Variants in GFRAL observed in about 807,000 individuals in gnomAD.
The protein encoded by GFRAL is GDNF family receptor alpha like.
Under a neutral mutation model 45.4 loss-of-function variants are expected in GFRAL, and 36 were observed. That is an observed-to-expected ratio of 0.79 (90% CI 0.61 to 1.05). The LOEUF is 1.05. GFRAL is among the 50% of genes least tolerant of loss of function. GFRAL has a pLI of 0.00. For synonymous variants in GFRAL, 166 were observed against 154.1 expected (o/e 1.08, Z -0.57); for missense variants, 507 against 467.5 (o/e 1.08, Z -0.78).
At chr6:55,380,039 G>T (rs1203692137) in intron 6 of GFRAL, among the ~76,000 whole-genome samples, 1 of 151,848 alleles carries the variant, frequency 6.6e-6, no homozygotes, top group Non-Finnish European at 1.5e-5. Flanking sequence ...CATTTTCTTA[G>T]GTTGATTCCA....
intron 3 of GFRAL, among the ~76,000 whole-genome samples, chr6:55,343,379 C>A (rs899354440): frequency 2.6e-5 from 4 of 152,034 alleles, no homozygotes; most frequent in Non-Finnish European, 4.4e-5. Flanking sequence ...AAACTCACTC[C>A]AAACCGCTCA....
chr6:55,349,724 G>C lies in GFRAL; in HGVS notation c.317-368G>C, dbSNP rs374934441. 3.3e-5 allele frequency among the ~76,000 whole-genome samples: 5 copies of C among 151,536 alleles called. No homozygotes were observed. The East Asian group carries it at 5.9e-4, about 18-fold the overall frequency. ...CCCTTCTGAGAAGGGTTTTTATGCT[G>C]GGCAGGGTGGGAGGTAGTGTTCAGA... On this transcript the variant is annotated intron_variant, in intron 3 of 8. Transcript: ENST00000340465.
At chr6:55,332,569 G>A (rs547754207) in intron 2 of GFRAL, among the ~76,000 whole-genome samples, 7 of 151,786 alleles carry the variant, frequency 4.6e-5, no homozygotes, top group Non-Finnish European at 8.8e-5. Flanking sequence ...GACTACAGGC[G>A]CATGCCACCA....
intron 6 of GFRAL, among the ~76,000 whole-genome samples, chr6:55,359,460 C>T (rs540668971): frequency 2.6e-5 from 4 of 152,040 alleles, no homozygotes; most frequent in African/African-American, 9.6e-5. Context: ...GCATAACAAA[C>T]CATAAGTATC....
intron 8 of GFRAL, among the ~76,000 whole-genome samples, chr6:55,401,511 C>A (rs1314845434): frequency 6.6e-6 from 1 of 152,098 alleles, no homozygotes; most frequent in Non-Finnish European, 1.5e-5. Context: ...ATTCAAATAG[C>A]CCAGAGCCTT....
At chr6:55,395,860 T>C (rs1195297256) in intron 6 of GFRAL, among the ~76,000 whole-genome samples, 2 of 152,178 alleles carry the variant, frequency 1.3e-5, no homozygotes, top group East Asian at 1.9e-4. Flanking sequence ...CCTAAATTTG[T>C]TCCTAATGCA....
In GFRAL at chr6:55,399,264, C is replaced by T. The variant is rs757085738; in HGVS notation, c.1037C>T (p.Ser346Phe). 1.5e-5 allele frequency: 24 copies of T among 1,593,098 alleles called. No individual in the cohort carries two copies. The Middle Eastern group carries it at 5.2e-4, about 34-fold the overall frequency. ...AAAATCACTTTAACTGGATTTCATT[C>T]CCCCTTCAATGGTCAGTTAAAAATC... ...ANKITLTGFH[S>F]PFNGEVIYAA... Residue 346 changes from serine to phenylalanine, a missense_variant, in exon 7 of 9, where the codon TCC becomes TTC. Coordinates refer to ENST00000340465, the MANE Select transcript of GFRAL (RefSeq NM_207410.2).
chr6:55,398,682 G>C (rs1172762981), intron 6 of GFRAL, among the ~76,000 whole-genome samples: 2 of 152,110 alleles, frequency 1.3e-5, no homozygotes, highest in Admixed American at 1.3e-4. Flanking sequence ...TAGCACCTCA[G>C]AATGGCCAGG....
chr6:55,393,775 C>T (rs1768785609), intron 6 of GFRAL, among the ~76,000 whole-genome samples: 1 of 152,004 alleles, frequency 6.6e-6, no homozygotes, highest in South Asian at 2.1e-4. Context: ...ACTTCCTAGA[C>T]ATGATAGAGG....
intron 6 of GFRAL, among the ~76,000 whole-genome samples, chr6:55,384,984 C>T (rs1193095270): frequency 1.3e-5 from 2 of 151,828 alleles, no homozygotes; most frequent in African/African-American, 4.8e-5. Flanking sequence ...AGAGGTGGAG[C>T]CTATAGATGA....
rs1315317443 is a variant in GFRAL at position 55,327,515 on chromosome 6, C to T, written c.-40C>T. On this transcript the variant is annotated 5_prime_UTR_variant, in exon 1 of 9. Transcript: ENST00000340465. ...AAGAAAGTTGTCAGAAGAAACGCAT[C>T]TGCCTTTTTTTCCAGGTGAACTGCC... 1.2e-6 allele frequency: 2 copies of T among 1,611,090 alleles called. No individual in the cohort carries two copies. The highest frequency in any genetic ancestry group is 1.7e-6 in the Non-Finnish European group (2 of 1,178,046).
At chr6:55,348,144 T>A (rs1020493160) in intron 3 of GFRAL, among the ~76,000 whole-genome samples, 1 of 152,046 alleles carries the variant, frequency 6.6e-6, no homozygotes, top group Admixed American at 6.6e-5. Context: ...TAGGTCTTAT[T>A]GGTGAATACT....
intron 6 of GFRAL, among the ~76,000 whole-genome samples, chr6:55,377,204 T>C (rs534421175): frequency 6.6e-6 from 1 of 152,150 alleles, no homozygotes; most frequent in East Asian, 1.9e-4. Flanking sequence ...CAGCCCCCAA[T>C]AGGCAGTTTC....
At position 55,342,596 on chromosome 6, in the gene GFRAL, T is replaced by G. The variant is rs1359815973; in HGVS notation, c.317-7496T>G. 4.0e-3 allele frequency among the ~76,000 whole-genome samples: 602 copies of G among 150,010 alleles called. 5 individuals are homozygous for G. The highest frequency in any genetic ancestry group is 6.8e-3 in the Middle Eastern group (2 of 292). ...CATGCCAAATTGTAAAGACCATCGA[T>G]GTTAGGAAGAAACTGCATCAACCAA... On this transcript the variant is annotated intron_variant, in intron 3 of 8. Transcript: ENST00000340465.
intron 6 of GFRAL, among the ~76,000 whole-genome samples, chr6:55,363,587 C>G (rs868284551): frequency 2.6e-4 from 20 of 78,084 alleles, no homozygotes; most frequent in Non-Finnish European, 2.8e-4. Context: ...TCCCTCCCCC[C>G]TCCCCCCACC....
chr6:55,344,171 C>G (rs1468725213), intron 3 of GFRAL, among the ~76,000 whole-genome samples: 1 of 152,026 alleles, frequency 6.6e-6, no homozygotes, highest in African/African-American at 2.4e-5. Flanking sequence ...AGAGGGAATG[C>G]TCCCTAACTC....
intron 6 of GFRAL, among the ~76,000 whole-genome samples, chr6:55,365,081 T>G (rs905382255): frequency 6.6e-6 from 1 of 151,502 alleles, no homozygotes; most frequent in African/African-American, 2.4e-5. Flanking sequence ...GCATGGAATG[T>G]TCTTCCATTT....
chr6:55,342,401 A>C (rs552886261), intron 3 of GFRAL, among the ~76,000 whole-genome samples: 11 of 152,198 alleles, frequency 7.2e-5, no homozygotes, highest in Admixed American at 5.9e-4. Context: ...TTTTCAAACC[A>C]GAATTTCATA....
At chr6:55,388,525 G>A (rs1458077683) in intron 6 of GFRAL, among the ~76,000 whole-genome samples, 1 of 152,038 alleles carries the variant, frequency 6.6e-6, no homozygotes, top group East Asian at 1.9e-4. Context: ...ATGGTATTTT[G>A]TTGAAAGAAC....
Sources: gnomAD v4.1 joint callset for allele counts (sites outside exome capture counted in the v4.1 genomes callset) on GRCh38, gnomAD v4.1.1 for gene constraint, MANE v1.5 for transcripts, NCBI Gene and HGNC (gene_info 2026-07-23, HGNC 2026-07-21) for gene names.